Variants in NHERF1 observed in about 807,000 individuals in gnomAD.
The protein encoded by NHERF1 is NHERF family PDZ scaffold protein 1, also known as Na(+)/H(+) exchange regulatory cofactor NHE-RF1.
the NHERF1 span, chr17:74,768,358 A>T: frequency 7.0e-7 from 1 of 1,426,142 alleles, no homozygotes; most frequent in Non-Finnish European, 9.9e-7. Flanking sequence ...TGTTCTTGTG[A>T]CCTGGCTTCC....
At chr17:74,763,471 C>T in the NHERF1 span, 14 of 1,611,910 alleles carry the variant, frequency 8.7e-6, no homozygotes, top group Admixed American at 6.7e-5. Context: ...GGGAAACTGA[C>T]GAGTTCTTCA....
chr17:74,755,786 G>A, the NHERF1 span, among the ~76,000 whole-genome samples: 1 of 152,138 alleles, frequency 6.6e-6, no homozygotes, highest in Non-Finnish European at 1.5e-5. Context: ...GAGATGTGCT[G>A]GTCCACATGC....
chr17:74,749,997 A>G, the NHERF1 span, among the ~76,000 whole-genome samples: 1 of 152,218 alleles, frequency 6.6e-6, no homozygotes, highest in Non-Finnish European at 1.5e-5. The surrounding 1 kb of genome is among the most constrained non-coding windows in gnomAD (Gnocchi z 5.6). Context: ...CAGGAATGTG[A>G]AGAGTAAGCG....
the NHERF1 span, among the ~76,000 whole-genome samples, chr17:74,759,857 A>G: frequency 6.6e-6 from 1 of 152,152 alleles, no homozygotes; most frequent in Admixed American, 6.5e-5. Context: ...TGGCTGTGTG[A>G]TGTCAGGCAG....
the NHERF1 span, among the ~76,000 whole-genome samples, chr17:74,764,831 T>G: frequency 1.3e-5 from 2 of 152,048 alleles, no homozygotes; most frequent in Admixed American, 1.3e-4. The surrounding 1 kb of genome is among the most constrained non-coding windows in gnomAD (Gnocchi z 4.9). Context: ...GCTGCCAGGG[T>G]TTCACCCTGA....
chr17:74,760,371 T>G, the NHERF1 span, among the ~76,000 whole-genome samples: 1 of 152,184 alleles, frequency 6.6e-6, no homozygotes, highest in Non-Finnish European at 1.5e-5. This position sits in a 1 kb window ranked among gnomAD's most constrained non-coding sequence, Gnocchi z 4.5. Flanking sequence ...ACCACTCACT[T>G]AACCGTCTTT....
the NHERF1 span, among the ~76,000 whole-genome samples, chr17:74,754,028 G>T: frequency 2.6e-5 from 4 of 152,084 alleles, no homozygotes; most frequent in Non-Finnish European, 5.9e-5. Flanking sequence ...GCGAGGCGTG[G>T]TGGCAGGTGC....
the NHERF1 span, among the ~76,000 whole-genome samples, chr17:74,751,166 C>T: frequency 2.6e-5 from 4 of 152,282 alleles, no homozygotes; most frequent in South Asian, 8.3e-4. The surrounding 1 kb of genome is among the most constrained non-coding windows in gnomAD (Gnocchi z 4.3). Flanking sequence ...TGCTGAACTG[C>T]ACTCCTTCAT....
chr17:74,748,991 G>C, the NHERF1 span: 1 of 1,608,878 alleles, frequency 6.2e-7, no homozygotes, highest in Non-Finnish European at 8.5e-7. The surrounding 1 kb of genome is among the most constrained non-coding windows in gnomAD (Gnocchi z 4.3). Flanking sequence ...CTCGCCGGCC[G>C]AGAAGGCGGG....
the NHERF1 span, chr17:74,766,829 A>G: frequency 9.5e-7 from 1 of 1,054,924 alleles, no homozygotes; most frequent in East Asian, 2.4e-5. Context: ...TGAGATGTTG[A>G]CCCAGGGAAC....
chr17:74,749,610 C>T, the NHERF1 span, among the ~76,000 whole-genome samples: 1 of 152,180 alleles, frequency 6.6e-6, no homozygotes, highest in South Asian at 2.1e-4. The surrounding 1 kb of genome is among the most constrained non-coding windows in gnomAD (Gnocchi z 5.6). Context: ...GTGTCTGCTC[C>T]CGTTCCTCGG....
the NHERF1 span, among the ~76,000 whole-genome samples, chr17:74,759,558 A>T: frequency 1.3e-5 from 2 of 152,132 alleles, no homozygotes; most frequent in African/African-American, 4.8e-5. Flanking sequence ...CCTGTCACCC[A>T]CACCAGGCTT....
the NHERF1 span, chr17:74,767,055 G>A: frequency 2.8e-6 from 4 of 1,408,880 alleles, no homozygotes; most frequent in Non-Finnish European, 4.0e-6. Context: ...GTGGTTGGTA[G>A]GATAGCCATC....
chr17:74,768,221 T>C, the NHERF1 span: 2 of 1,613,010 alleles, frequency 1.2e-6, no homozygotes, highest in Admixed American at 3.3e-5. Flanking sequence ...CCGCCTCCAG[T>C]GACACCAGCG....
chr17:74,757,126 C>T, the NHERF1 span, among the ~76,000 whole-genome samples: 1 of 152,108 alleles, frequency 6.6e-6, no homozygotes, highest in African/African-American at 2.4e-5. Flanking sequence ...CCCCCTCTTG[C>T]CCCCGTGGGT....
the NHERF1 span, among the ~76,000 whole-genome samples, chr17:74,760,393 G>C: frequency 3.9e-5 from 6 of 152,212 alleles, no homozygotes; most frequent in African/African-American, 1.4e-4. The surrounding 1 kb of genome is among the most constrained non-coding windows in gnomAD (Gnocchi z 4.5). Context: ...TTGTTGGGGT[G>C]AGGGGTCCTC....
At chr17:74,760,944 G>A in the NHERF1 span, among the ~76,000 whole-genome samples, 1 of 152,200 alleles carries the variant, frequency 6.6e-6, no homozygotes, top group Non-Finnish European at 1.5e-5. The surrounding 1 kb of genome is among the most constrained non-coding windows in gnomAD (Gnocchi z 4.5). Context: ...CACAGGGCCA[G>A]CAGGCTGGAC....
At chr17:74,758,224 C>T in the NHERF1 span, among the ~76,000 whole-genome samples, 7 of 152,330 alleles carry the variant, frequency 4.6e-5, no homozygotes, top group Middle Eastern at 3.4e-3. The surrounding 1 kb of genome is among the most constrained non-coding windows in gnomAD (Gnocchi z 4.3). Flanking sequence ...GAATTCCGTG[C>T]CCGCCATCCG....
the NHERF1 span, chr17:74,768,054 G>C: frequency 1.1e-6 from 1 of 898,378 alleles, no homozygotes. Context: ...CCTCTTCTCA[G>C]TCTGAGGCCC....
Sources: gnomAD v4.1 joint callset for allele counts (sites outside exome capture counted in the v4.1 genomes callset) on GRCh38, gnomAD v4.1.1 for gene constraint, Gnocchi (gnomAD v3.1) non-coding constraint, MANE v1.5 for transcripts, NCBI Gene and HGNC (gene_info 2026-07-23, HGNC 2026-07-21) for gene names.